Variants in RBM19 observed in about 807,000 individuals in gnomAD.
RBM19 encodes probable RNA-binding protein 19.
A neutral mutation model predicts 116.8 loss-of-function variants in RBM19; 94 were observed. That is an observed-to-expected ratio of 0.80 (90% CI 0.68 to 0.95). The LOEUF is 0.95. RBM19 is among the 40% of genes least tolerant of loss of function. The pLI, the probability that RBM19 is intolerant of heterozygous loss-of-function variation, is 0.00. For missense variants in RBM19, 1,161 were observed against 1,220.7 expected (o/e 0.95, Z 0.73); for synonymous variants, 475 against 494.1 (o/e 0.96, Z 0.51).
chr12:113,843,337 G>T (rs1565969110), intron 23 of RBM19, among the ~76,000 whole-genome samples: 1 of 152,206 alleles, frequency 6.6e-6, no homozygotes, highest in African/African-American at 2.4e-5. Flanking sequence ...ACAGAGAAGG[G>T]ATGGATGAGG....
intron 23 of RBM19, among the ~76,000 whole-genome samples, chr12:113,827,556 C>T (rs948604947): frequency 3.3e-5 from 5 of 151,898 alleles, no homozygotes; most frequent in Admixed American, 1.3e-4. Context: ...CAAGAGAAAG[C>T]GCTTCTTGGG....
rs1335618673 is a variant in RBM19 at position 113,959,246 on chromosome 12, C to T, written c.537G>A (p.Glu179=). The part of the protein sequence containing the change: ...YLNFDSDSGQ[E]SEEEGAGEDL... ...CCTCCCCGGCTCCCTCCTCCTCACTCTCCTGCCCAGAATCGGAGTCGAAGT... is the reference window on the plus strand; with the variant it reads ...CCTCCCCGGCTCCCTCCTCCTCACTTTCCTGCCCAGAATCGGAGTCGAAGT... Residue 179 remains glutamate (E), a synonymous_variant, in exon 5 of 24, where the codon GAG becomes GAA. Transcript: ENST00000261741. 1.9e-6 allele frequency: 3 copies of T among 1,613,186 alleles called. No homozygotes were observed. The highest frequency in any genetic ancestry group is 2.2e-5 in the South Asian group (2 of 91,038).
chr12:113,934,286 C>G (rs1419239455), intron 16 of RBM19, among the ~76,000 whole-genome samples: 1 of 152,244 alleles, frequency 6.6e-6, no homozygotes, highest in African/African-American at 2.4e-5. Context: ...TGACATCCCA[C>G]CACGCCCTCA....
chr12:113,954,286 T>C (rs985543018), intron 7 of RBM19, among the ~76,000 whole-genome samples: 2 of 152,154 alleles, frequency 1.3e-5, no homozygotes, highest in African/African-American at 4.8e-5. Flanking sequence ...AGTGAGACCC[T>C]GTCTCACACA....
intron 23 of RBM19, among the ~76,000 whole-genome samples, chr12:113,834,158 C>T (rs1486681558): frequency 6.6e-6 from 1 of 152,084 alleles, no homozygotes; most frequent in African/African-American, 2.4e-5. Context: ...GTCTCCCTCA[C>T]TCAAATCAGC....
intron 23 of RBM19, among the ~76,000 whole-genome samples, chr12:113,841,723 C>T (rs576833777): frequency 1.3e-5 from 2 of 152,154 alleles, no homozygotes; most frequent in Admixed American, 1.3e-4. Context: ...CTGCGCCTGG[C>T]CAGGAGTTTT....
chr12:113,966,129 T>C lies in RBM19; in HGVS notation c.36+63A>G. ...TCTTCGATCACCTCCAGGCATCTCT[T>C]CCCTACCTCACAGCTCCCGGCTGGT... On this transcript the variant is annotated intron_variant, in intron 1 of 23. Coordinates refer to ENST00000261741, the MANE Select transcript of RBM19 (RefSeq NM_016196.4). 5 of 1,608,496 alleles carry C rather than the reference T, an allele frequency of 3.1e-6. No homozygotes were observed. The South Asian group carries it at 5.5e-5, about 18-fold the overall frequency.
intron 15 of RBM19, 38 bp downstream of exon 15, chr12:113,939,922 C>A: frequency 6.2e-7 from 1 of 1,604,644 alleles, no homozygotes; most frequent in South Asian, 1.1e-5. Flanking sequence ...CCTCACTGGT[C>A]CTTCTCCAGA....
intron 23 of RBM19, among the ~76,000 whole-genome samples, chr12:113,840,723 G>C (rs948614587): frequency 2.6e-5 from 4 of 152,308 alleles, no homozygotes; most frequent in South Asian, 4.2e-4. Flanking sequence ...TCTGGCAGGG[G>C]CTGTGTCCCT....
chr12:113,833,465 C>T (rs575496467), intron 23 of RBM19, among the ~76,000 whole-genome samples: 19 of 152,314 alleles, frequency 1.2e-4, no homozygotes, highest in East Asian at 1.2e-3. Flanking sequence ...CTTCCCACTG[C>T]ACCTTGAATA....
chr12:113,847,340 C>CT (rs1216125063), intron 22 of RBM19, among the ~76,000 whole-genome samples: 30 of 149,710 alleles, frequency 2.0e-4, no homozygotes, highest in African/African-American at 3.7e-4. Context: ...TTTTTCTTTC[C>CT]TTTTTTTTTT....
chr12:113,865,058 C>T (rs1253244946), intron 21 of RBM19, among the ~76,000 whole-genome samples: 2 of 152,170 alleles, frequency 1.3e-5, no homozygotes, highest in Non-Finnish European at 2.9e-5. Context: ...ATGGTTTTTG[C>T]ATCCTTAGAA....
chr12:113,900,281 G>A (rs1881605178), intron 21 of RBM19, among the ~76,000 whole-genome samples: 1 of 152,222 alleles, frequency 6.6e-6, no homozygotes, highest in African/African-American at 2.4e-5. Flanking sequence ...TGCTCGACCA[G>A]TTAGTCTGGC....
chr12:113,913,142 T>A (rs1882551502), intron 21 of RBM19, among the ~76,000 whole-genome samples: 1 of 152,202 alleles, frequency 6.6e-6, no homozygotes, highest in Non-Finnish European at 1.5e-5. Flanking sequence ...TTTCCCCGGA[T>A]AAGTGTCATC....
chr12:113,949,106 C>G, intron 9 of RBM19, 70 bp from the exon 10 acceptor site: 1 of 1,362,618 alleles, frequency 7.3e-7, no homozygotes, highest in South Asian at 1.3e-5. Flanking sequence ...GCTGGTGACT[C>G]CAAACTCTTC....
chr12:113,962,809 C>CA (rs1872614083), intron 1 of RBM19, among the ~76,000 whole-genome samples: 2 of 151,988 alleles, frequency 1.3e-5, no homozygotes, highest in Admixed American at 1.3e-4. Flanking sequence ...GTTAATAAAG[C>CA]CCCCCCAAAA....
chr12:113,901,641 T>TG (rs1881701962), intron 21 of RBM19, among the ~76,000 whole-genome samples: 1 of 152,066 alleles, frequency 6.6e-6, no homozygotes, highest in African/African-American at 2.4e-5. Flanking sequence ...CCCGAGTAGC[T>TG]GGGACGACAG....
At chr12:113,819,353 T>C (rs1874269972), downstream of RBM19, among the ~76,000 whole-genome samples, 1 of 152,200 alleles carries the variant, frequency 6.6e-6, no homozygotes. Flanking sequence ...TCACCTCTCC[T>C]TTCCTACGCA....
chr12:113,877,103 C>A (rs540814670), intron 21 of RBM19, among the ~76,000 whole-genome samples: 1 of 152,200 alleles, frequency 6.6e-6, no homozygotes, highest in Non-Finnish European at 1.5e-5. Context: ...CACAAGGATG[C>A]GTGGCTTGTC....
Sources: gnomAD v4.1 joint callset for allele counts (sites outside exome capture counted in the v4.1 genomes callset) on GRCh38, gnomAD v4.1.1 for gene constraint, MANE v1.5 for transcripts, NCBI Gene and HGNC (gene_info 2026-07-23, HGNC 2026-07-21) for gene names.